Variants in ST8SIA4 observed in about 807,000 individuals in gnomAD.
ST8SIA4 encodes the protein ST8 alpha-N-acetyl-neuraminide alpha-2,8-sialyltransferase 4.
Under a neutral mutation model 33.9 loss-of-function variants are expected in ST8SIA4, and 15 were observed. The ratio of observed to expected loss-of-function variants is 0.44; its 90% CI spans 0.30 to 0.68. The LOEUF (loss-of-function observed/expected upper bound fraction) is 0.68, where lower values mean the gene tolerates loss of function less well. ST8SIA4 is among the 30% of genes least tolerant of loss of function. ST8SIA4 has a pLI of 0.10. For synonymous variants in ST8SIA4, 171 were observed against 151.2 expected, an observed-to-expected ratio of 1.13 and a Z score of -0.96; for missense variants, 321 against 428.0, an observed-to-expected ratio of 0.75 and a Z score of 2.21.
In ST8SIA4 at chr5:100,820,748, A is replaced by C. The variant is rs372644233; in HGVS notation, c.798-8619T>G. On this transcript the variant is annotated intron_variant, in intron 4 of 4. Coordinates refer to ENST00000231461, the MANE Select transcript of ST8SIA4 (RefSeq NM_005668.6). ...CCAAACTACATGAGTGATTTAAATA[A>C]TCGTATGTGGGCTAGATTTTGGTGA... 2.0e-5 allele frequency among the ~76,000 whole-genome samples: 3 copies of C among 152,160 alleles called. No individual in the cohort carries two copies. In the South Asian group the frequency reaches 6.2e-4, roughly 31 times the overall value.
At chr5:100,880,309 A>G (rs1037539788) in intron 3 of ST8SIA4, among the ~76,000 whole-genome samples, 2 of 152,216 alleles carry the variant, frequency 1.3e-5, no homozygotes, top group African/African-American at 4.8e-5. Flanking sequence ...AAAAATAAAT[A>G]CATAAATGGA....
intron 4 of ST8SIA4, among the ~76,000 whole-genome samples, chr5:100,829,549 T>C (rs984014147): frequency 1.3e-5 from 2 of 152,184 alleles, no homozygotes; most frequent in African/African-American, 4.8e-5. Flanking sequence ...TAAGTTACAG[T>C]AGACATAATA....
intron 4 of ST8SIA4, among the ~76,000 whole-genome samples, chr5:100,828,027 A>T (rs1751178738): frequency 6.6e-6 from 1 of 152,244 alleles, no homozygotes; most frequent in African/African-American, 2.4e-5. Context: ...TACAGAATGT[A>T]TATACTGAAG....
intron 4 of ST8SIA4, 107 bp downstream of exon 4, chr5:100,855,996 T>G (rs1751806535): frequency 2.0e-6 from 2 of 996,244 alleles, no homozygotes; most frequent in East Asian, 5.1e-5. Flanking sequence ...AACGGAAACA[T>G]ATATCCATTT....
chr5:100,870,037 C>A (rs1752162872), intron 3 of ST8SIA4, among the ~76,000 whole-genome samples: 1 of 152,152 alleles, frequency 6.6e-6, no homozygotes, highest in Admixed American at 6.6e-5. Context: ...TGATGTTCCC[C>A]ACCCTGTGTC....
Position 100,875,353 on chromosome 5 carries a change from A to G in ST8SIA4, c.503+10990T>C, listed in dbSNP as rs754063707. Among the ~76,000 whole-genome samples, 107 of 152,312 alleles carry G rather than the reference A, an allele frequency of 7.0e-4. 1 individual carries two copies. The highest frequency in any genetic ancestry group is 5.6e-4 in the Non-Finnish European group (38 of 68,022). On this transcript the variant is annotated intron_variant, in intron 3 of 4. Transcript: ENST00000231461. ...TAACGTGACCAATGATATCTTCTTA[A>G]AATTTATTATGTGTGATATCTAAAG...
At chr5:100,812,226 T>C (rs1301526008) in intron 4 of ST8SIA4, 97 bp from the exon 5 acceptor site, 4 of 924,754 alleles carry the variant, frequency 4.3e-6, no homozygotes, top group Non-Finnish European at 4.6e-6. Flanking sequence ...TTAAAAGGTA[T>C]CTTTATGAAT....
chr5:100,898,483 G>A (rs901660830), intron 1 of ST8SIA4, among the ~76,000 whole-genome samples: 5 of 152,114 alleles, frequency 3.3e-5, no homozygotes, highest in East Asian at 1.9e-4. Context: ...ATTTTACTCC[G>A]CTGTTTGAAT....
At position 100,808,641 on chromosome 5, in the gene ST8SIA4, C is replaced by A. The variant is rs1750741731; in HGVS notation, c.*3206G>T. ...TATTAAAATTGTGAATATATATTTT[C>A]AAAAGAAAAAGCTCCACCTATTTCA... is the stretch of plus-strand genomic sequence containing the variant. On this transcript the variant is annotated 3_prime_UTR_variant, in exon 5 of 5. Transcript: ENST00000231461. 1 of 152,568 alleles carries A rather than the reference C, an allele frequency of 6.6e-6. No individual in the cohort carries two copies. Among genetic ancestry groups the A allele is most frequent in the African/African-American group, 2.4e-5 (1 of 41,424 alleles). The allele number at this position is 152,568 out of a possible 1,614,324, so 9.5% of individuals were successfully genotyped here.
At chr5:100,813,547 C>T (rs1580445100) in intron 4 of ST8SIA4, among the ~76,000 whole-genome samples, 1 of 151,904 alleles carries the variant, frequency 6.6e-6, no homozygotes, top group African/African-American at 2.4e-5. Flanking sequence ...TTTCTCATAA[C>T]TCAAAGTAAC....
At chr5:100,889,185 A>G (rs2112476121) in intron 2 of ST8SIA4, among the ~76,000 whole-genome samples, 1 of 152,092 alleles carries the variant, frequency 6.6e-6, no homozygotes, top group Non-Finnish European at 1.5e-5. Context: ...GGCAATATAC[A>G]GAATTTTTTG....
intron 4 of ST8SIA4, among the ~76,000 whole-genome samples, chr5:100,817,939 A>G (rs1750963493): frequency 6.6e-6 from 1 of 152,224 alleles, no homozygotes; most frequent in African/African-American, 2.4e-5. Flanking sequence ...AGAGGTAGCA[A>G]TAAGAATAAT....
intron 2 of ST8SIA4, among the ~76,000 whole-genome samples, chr5:100,886,904 G>A (rs1752549953): frequency 6.6e-6 from 1 of 151,942 alleles, no homozygotes; most frequent in South Asian, 2.1e-4. Flanking sequence ...TAGAAAAATT[G>A]GTTTATTAAG....
chr5:100,877,525 A>C (rs1274667520), intron 3 of ST8SIA4, among the ~76,000 whole-genome samples: 3 of 152,186 alleles, frequency 2.0e-5, no homozygotes, highest in East Asian at 3.8e-4. Flanking sequence ...TGGTATGACA[A>C]TAGGTCATTG....
At chr5:100,817,035 C>T (rs10478598) in intron 4 of ST8SIA4, among the ~76,000 whole-genome samples, 2 of 149,530 alleles carry the variant, frequency 1.3e-5, no homozygotes, top group African/African-American at 2.5e-5. Context: ...CTCTGCCTCC[C>T]GGGTTGAAAC....
At chr5:100,877,358 T>C (rs952597486) in intron 3 of ST8SIA4, among the ~76,000 whole-genome samples, 3 of 152,168 alleles carry the variant, frequency 2.0e-5, no homozygotes, top group Non-Finnish European at 4.4e-5. Context: ...TTGATTAAAT[T>C]TGAAGCAAAA....
At chr5:100,832,858 T>G (rs1386521276) in intron 4 of ST8SIA4, among the ~76,000 whole-genome samples, 1 of 152,262 alleles carries the variant, frequency 6.6e-6, no homozygotes, top group African/African-American at 2.4e-5. Flanking sequence ...AAGTTTCATC[T>G]ACCTTACTAC....
At chr5:100,849,093 C>G in intron 4 of ST8SIA4, 1 of 915,872 alleles carries the variant, frequency 1.1e-6, no homozygotes, top group Non-Finnish European at 1.3e-6. Context: ...ATCATAATTA[C>G]CAAAAATTTA....
intron 4 of ST8SIA4, among the ~76,000 whole-genome samples, chr5:100,839,533 C>T (rs1192672189): frequency 1.3e-5 from 2 of 151,904 alleles, no homozygotes; most frequent in Admixed American, 6.6e-5. Context: ...TCCCTAGCTA[C>T]AAAGGCAATT....
Sources: gnomAD v4.1 joint callset for allele counts (sites outside exome capture counted in the v4.1 genomes callset) on GRCh38, gnomAD v4.1.1 for gene constraint, MANE v1.5 for transcripts, NCBI Gene and HGNC (gene_info 2026-07-23, HGNC 2026-07-21) for gene names.